The following LHFPL3 variants were observed in gnomAD, a reference collection of about 807,000 sequenced individuals.
The protein encoded by LHFPL3 is LHFPL tetraspan subfamily member 3 protein.
LHFPL3 carries 5 observed loss-of-function variants against 19.3 expected under a neutral mutation model. The observed-to-expected ratio is 0.26, with a 90% confidence interval of 0.14 to 0.54. The LOEUF is 0.54. Among genes scored for constraint, LHFPL3 ranks in the 20% least tolerant of loss-of-function variants. The probability of loss-of-function intolerance (pLI) is 0.94; values close to 1 mark genes in which losing one functional copy is unlikely to be tolerated. For synonymous variants in LHFPL3, 133 were observed against 126.2 expected, an observed-to-expected ratio of 1.05 and a Z score of -0.36; for missense variants, 249 against 307.4, an observed-to-expected ratio of 0.81 and a Z score of 1.42.
chr7:104,529,618 T>C (rs1794256513), intron 1 of LHFPL3, among the ~76,000 whole-genome samples: 1 of 152,128 alleles, frequency 6.6e-6, no homozygotes, highest in Non-Finnish European at 1.5e-5. Flanking sequence ...CCATCTCCCA[T>C]GTTAAAGTAG....
chr7:104,334,185 A>G lies in LHFPL3; in HGVS notation c.445+4961A>G, dbSNP rs560349120. ...CATAGTAGGTATTCGATAATTTTTC[A>G]TTGAGTTAATAAATTGAAAAATAAT... On this transcript the variant is annotated intron_variant, in intron 1 of 2. Coordinates refer to ENST00000424859, the MANE Select transcript of LHFPL3 (RefSeq NM_199000.3). Among the ~76,000 whole-genome samples, 12 of 152,296 alleles carry G rather than the reference A, an allele frequency of 7.9e-5. No individual in the cohort carries two copies. In the South Asian group the frequency reaches 1.7e-3, roughly 21 times the overall value.
At chr7:104,848,862 T>C (rs2116609222) in intron 2 of LHFPL3, among the ~76,000 whole-genome samples, 1 of 152,262 alleles carries the variant, frequency 6.6e-6, no homozygotes, top group East Asian at 1.9e-4. Flanking sequence ...TAGTTAGCCA[T>C]GGTGATGATG....
At chr7:104,612,817 C>G (rs1791236392) in intron 1 of LHFPL3, among the ~76,000 whole-genome samples, 1 of 152,180 alleles carries the variant, frequency 6.6e-6, no homozygotes, top group Non-Finnish European at 1.5e-5. Context: ...AAATTATTCT[C>G]TTCCTTCTCC....
rs922243229 is a variant in LHFPL3, at chr7:104,348,379, G to A, written c.445+19155G>A. Reference sequence around the variant, plus strand: ...CAGCCTGGCGACAGAGCGAGACTCCGTCTCAAAAAAAGAACACAGATTCAA... The same window carrying A: ...CAGCCTGGCGACAGAGCGAGACTCCATCTCAAAAAAAGAACACAGATTCAA... On this transcript the variant is annotated intron_variant, in intron 1 of 2. Transcript: ENST00000424859. 2.0e-5 allele frequency among the ~76,000 whole-genome samples: 3 copies of A among 152,060 alleles called. No individual in the cohort carries two copies. In the East Asian group the frequency reaches 5.8e-4, roughly 29 times the overall value.
At chr7:104,526,519 G>A (rs1794190642) in intron 1 of LHFPL3, among the ~76,000 whole-genome samples, 1 of 152,194 alleles carries the variant, frequency 6.6e-6, no homozygotes, top group Non-Finnish European at 1.5e-5. Flanking sequence ...GTAAATAATG[G>A]CCAGTGCCAA....
At chr7:104,605,745 C>T (rs987054290) in intron 1 of LHFPL3, among the ~76,000 whole-genome samples, 2 of 151,852 alleles carry the variant, frequency 1.3e-5, no homozygotes, top group South Asian at 4.1e-4. Flanking sequence ...CAAAAACATT[C>T]GTGTTGTATA....
intron 1 of LHFPL3, among the ~76,000 whole-genome samples, chr7:104,389,329 T>G (rs1378900456): frequency 6.6e-6 from 1 of 152,128 alleles, no homozygotes; most frequent in Non-Finnish European, 1.5e-5. Flanking sequence ...AGTACACAAC[T>G]TGCAGACCGA....
chr7:104,797,574 C>CT (rs1001995135), intron 2 of LHFPL3, among the ~76,000 whole-genome samples: 11 of 151,278 alleles, frequency 7.3e-5, no homozygotes, highest in African/African-American at 1.2e-4. Context: ...TTAAAATCTA[C>CT]TTTTTTTTTA....
chr7:104,611,034 G>A (rs1791203831), intron 1 of LHFPL3, among the ~76,000 whole-genome samples: 1 of 152,164 alleles, frequency 6.6e-6, no homozygotes, highest in African/African-American at 2.4e-5. Flanking sequence ...TAAATGCAGT[G>A]AGACAGGAAC....
chr7:104,522,406 A>C (rs1350363342), intron 1 of LHFPL3, among the ~76,000 whole-genome samples: 1 of 36,920 alleles, frequency 2.7e-5, no homozygotes, highest in South Asian at 1.2e-3. Context: ...GGGAGGGGGG[A>C]GGGATGGATT....
chr7:104,336,423 G>A (rs1232395456), intron 1 of LHFPL3, among the ~76,000 whole-genome samples: 3 of 151,668 alleles, frequency 2.0e-5, no homozygotes, highest in Non-Finnish European at 4.4e-5. Context: ...TATGCCCACT[G>A]CACAAGGTCC....
chr7:104,386,226 C>T (rs1411620966), intron 1 of LHFPL3, among the ~76,000 whole-genome samples: 1 of 152,168 alleles, frequency 6.6e-6, no homozygotes, highest in African/African-American at 2.4e-5. Flanking sequence ...GTCCCATTCC[C>T]AGGGCATTGT....
chr7:104,795,706 A>G (rs904631955), intron 2 of LHFPL3, among the ~76,000 whole-genome samples: 1 of 152,174 alleles, frequency 6.6e-6, no homozygotes, highest in Non-Finnish European at 1.5e-5. Flanking sequence ...AACTCTTAAT[A>G]ATTCAGAAAA....
chr7:104,474,906 C>G (rs1042776805), intron 1 of LHFPL3, among the ~76,000 whole-genome samples: 1 of 152,046 alleles, frequency 6.6e-6, no homozygotes, highest in Non-Finnish European at 1.5e-5. Context: ...AATAAAAGCA[C>G]AAGCATGTAA....
At chr7:104,637,465 T>G (rs1372312634) in intron 1 of LHFPL3, among the ~76,000 whole-genome samples, 1 of 152,218 alleles carries the variant, frequency 6.6e-6, no homozygotes, top group Non-Finnish European at 1.5e-5. Context: ...AGTTCCTATG[T>G]CCAGAATGAT....
intron 1 of LHFPL3, among the ~76,000 whole-genome samples, chr7:104,622,495 A>G (rs1179749601): frequency 6.6e-6 from 1 of 152,204 alleles, no homozygotes; most frequent in Non-Finnish European, 1.5e-5. Context: ...GTACAATTCA[A>G]TGCTCTTTAA....
At chr7:104,655,866 A>G (rs1034482158) in intron 1 of LHFPL3, among the ~76,000 whole-genome samples, 5 of 152,194 alleles carry the variant, frequency 3.3e-5, no homozygotes, top group Non-Finnish European at 7.3e-5. Flanking sequence ...GCATTGACAA[A>G]GGTTAGAACT....
At chr7:104,474,894 A>C (rs1450972971) in intron 1 of LHFPL3, among the ~76,000 whole-genome samples, 1 of 152,190 alleles carries the variant, frequency 6.6e-6, no homozygotes, top group South Asian at 2.1e-4. Flanking sequence ...AATCATGAAA[A>C]AAATAAAAGC....
chr7:104,473,611 T>C (rs1348087763), intron 1 of LHFPL3, among the ~76,000 whole-genome samples: 1 of 152,216 alleles, frequency 6.6e-6, no homozygotes. Flanking sequence ...CCTTCTCTAC[T>C]GTGTGACCTT....
Sources: gnomAD v4.1 joint callset for allele counts (sites outside exome capture counted in the v4.1 genomes callset) on GRCh38, gnomAD v4.1.1 for gene constraint, MANE v1.5 for transcripts, NCBI Gene and HGNC (gene_info 2026-07-23, HGNC 2026-07-21) for gene names.